The following GSTCD variants were observed in gnomAD, a reference collection of about 807,000 sequenced individuals.
GSTCD encodes the protein glutathione S-transferase C-terminal domain-containing protein.
Under a neutral mutation model 68.3 loss-of-function variants are expected in GSTCD, and 44 were observed. The ratio of observed to expected loss-of-function variants is 0.64; its 90% CI spans 0.51 to 0.83. The LOEUF (loss-of-function observed/expected upper bound fraction) is 0.83. GSTCD is among the 40% of genes least tolerant of loss of function. GSTCD has a pLI of 0.00. For synonymous variants in GSTCD, 273 were observed against 255.2 expected, an observed-to-expected ratio of 1.07 and a Z score of -0.67; for missense variants, 739 against 735.9, an observed-to-expected ratio of 1.00 and a Z score of -0.05.
rs565132490 is a variant in GSTCD at position 105,717,887 on chromosome 4, G to A, written c.274G>A (p.Ala92Thr). The A allele has an allele frequency of 8.1e-6, 13 of 1,614,112 alleles. No individual in the cohort carries two copies. In the South Asian group the frequency reaches 1.2e-4, roughly 15 times the overall value. Reference sequence around the variant, plus strand: ...AATAGTCCAAAATTGCTGTTTGCCTGCAGTAGTAGAACGATCAGACAATTT... The same window carrying A: ...AATAGTCCAAAATTGCTGTTTGCCTACAGTAGTAGAACGATCAGACAATTT... ...PPIVQNCCLP[A>T]VVERSDNFCR... The change falls in exon 2 of 12, where the codon GCA becomes ACA. Residue 92 changes from alanine to threonine, a missense_variant. Coordinates refer to ENST00000515279, the MANE Select transcript of GSTCD (RefSeq NM_001370181.1).
intron 5 of GSTCD, among the ~76,000 whole-genome samples, chr4:105,822,042 C>T (rs1723319945): frequency 6.6e-6 from 1 of 151,670 alleles, no homozygotes; most frequent in Non-Finnish European, 1.5e-5. Flanking sequence ...TTTATCAAAC[C>T]AAAAAGATTA....
chr4:105,830,626 G>A (rs1263420470), intron 8 of GSTCD, among the ~76,000 whole-genome samples: 3 of 152,120 alleles, frequency 2.0e-5, no homozygotes, highest in Admixed American at 1.3e-4. Context: ...AAAGCATTGA[G>A]TCCATATTTT....
rs150759660 is a variant in GSTCD at position 105,777,933 on chromosome 4, G to A, written c.1241-45021G>A. On this transcript the variant is annotated intron_variant, in intron 5 of 11. Transcript: ENST00000515279. Reference sequence around the variant, plus strand: ...ACTCTTACAAATCACTCAGTGTTTTGGATGTAGCAAGTGTTTAATACATAT... The same window carrying A: ...ACTCTTACAAATCACTCAGTGTTTTAGATGTAGCAAGTGTTTAATACATAT... Among the ~76,000 whole-genome samples, 15 of 152,106 alleles carry A rather than the reference G, an allele frequency of 9.9e-5. 1 individual carries two copies. The East Asian group carries it at 2.9e-3, about 29-fold the overall frequency.
At chr4:105,779,041 C>T (rs974051190) in intron 5 of GSTCD, among the ~76,000 whole-genome samples, 3 of 152,054 alleles carry the variant, frequency 2.0e-5, no homozygotes, top group Non-Finnish European at 2.9e-5. Context: ...AACCAAAAAA[C>T]AATTATCAAA....
At chr4:105,782,889 A>G (rs1176070800) in intron 5 of GSTCD, among the ~76,000 whole-genome samples, 1 of 152,212 alleles carries the variant, frequency 6.6e-6, no homozygotes, top group Non-Finnish European at 1.5e-5. Flanking sequence ...GTTTTATGAA[A>G]AGAATTATTG....
chr4:105,815,068 G>C (rs1040739752), intron 5 of GSTCD: 5 of 152,168 alleles, frequency 3.3e-5, no homozygotes, highest in African/African-American at 1.2e-4. Flanking sequence ...ATTCAATGAT[G>C]CTAATTCTTA....
At chr4:105,802,918 G>A (rs1369785505) in intron 5 of GSTCD, among the ~76,000 whole-genome samples, 1 of 151,964 alleles carries the variant, frequency 6.6e-6, no homozygotes, top group African/African-American at 2.4e-5. Context: ...TGAAGTAGTT[G>A]GGCAAACACC....
intron 5 of GSTCD, among the ~76,000 whole-genome samples, chr4:105,748,923 A>C (rs977914713): frequency 7.9e-5 from 12 of 152,024 alleles, no homozygotes; most frequent in Middle Eastern, 3.2e-3. Flanking sequence ...TTATATTAAC[A>C]TGTTTTTTTA....
intron 5 of GSTCD, among the ~76,000 whole-genome samples, chr4:105,729,720 T>C (rs1733165784): frequency 6.6e-6 from 1 of 152,198 alleles, no homozygotes; most frequent in Non-Finnish European, 1.5e-5. Context: ...TTACTGTTTT[T>C]TCTTTGCTGA....
intron 5 of GSTCD, among the ~76,000 whole-genome samples, chr4:105,753,481 T>G (rs1734075909): frequency 6.6e-6 from 1 of 151,940 alleles, no homozygotes; most frequent in Non-Finnish European, 1.5e-5. Context: ...TGAAAAAAAT[T>G]TGCATCTGTA....
intron 1 of GSTCD, among the ~76,000 whole-genome samples, chr4:105,712,114 A>G (rs918373051): frequency 2.0e-5 from 3 of 152,246 alleles, no homozygotes; most frequent in Non-Finnish European, 4.4e-5. Flanking sequence ...TGACATTCAT[A>G]TATGTACATT....
intron 5 of GSTCD, among the ~76,000 whole-genome samples, chr4:105,767,001 A>C (rs1734641515): frequency 6.8e-6 from 1 of 147,784 alleles, no homozygotes; most frequent in Non-Finnish European, 1.5e-5. Context: ...TTGAATTGCC[A>C]GAGTTTAACT....
intron 5 of GSTCD, among the ~76,000 whole-genome samples, chr4:105,771,321 C>A (rs1280800557): frequency 6.6e-6 from 1 of 151,968 alleles, no homozygotes; most frequent in African/African-American, 2.4e-5. Flanking sequence ...CTGTAGGTTG[C>A]CTATTCACTC....
intron 5 of GSTCD, among the ~76,000 whole-genome samples, chr4:105,738,784 TA>T (rs1733541422): frequency 6.6e-6 from 1 of 152,168 alleles, no homozygotes; most frequent in Non-Finnish European, 1.5e-5. Flanking sequence ...CATCTGCAAA[TA>T]GGGACAATTT....
At chr4:105,808,882 C>T (rs1188009108) in intron 5 of GSTCD, among the ~76,000 whole-genome samples, 1 of 152,074 alleles carries the variant, frequency 6.6e-6, no homozygotes, top group East Asian at 1.9e-4. Context: ...CACTACTAGC[C>T]TGATGGTCAC....
chr4:105,753,707 A>G (rs370750529), intron 5 of GSTCD, among the ~76,000 whole-genome samples: 2 of 152,066 alleles, frequency 1.3e-5, no homozygotes, highest in South Asian at 4.1e-4. Flanking sequence ...CATAGAATCA[A>G]TCCTTCACTG....
intron 4 of GSTCD, among the ~76,000 whole-genome samples, chr4:105,728,688 TATAGATATAG>T (rs1431185885): frequency 4.7e-5 from 7 of 149,712 alleles, no homozygotes; most frequent in Non-Finnish European, 1.0e-4. Flanking sequence ...GATATATAGA[TATAGATATAG>T]ATATAGATAT....
At chr4:105,713,445 C>T (rs1229240731) in intron 1 of GSTCD, among the ~76,000 whole-genome samples, 1 of 152,154 alleles carries the variant, frequency 6.6e-6, no homozygotes, top group East Asian at 1.9e-4. Context: ...ACAATTTTCA[C>T]TTTGGTAAAA....
chr4:105,839,168 T>G (rs1724237620), intron 10 of GSTCD, among the ~76,000 whole-genome samples: 1 of 152,196 alleles, frequency 6.6e-6, no homozygotes, highest in South Asian at 2.1e-4. Flanking sequence ...GTGTTCATGC[T>G]TTCAGCCAAA....
Sources: gnomAD v4.1 joint callset for allele counts (sites outside exome capture counted in the v4.1 genomes callset) on GRCh38, gnomAD v4.1.1 for gene constraint, MANE v1.5 for transcripts, NCBI Gene and HGNC (gene_info 2026-07-23, HGNC 2026-07-21) for gene names.